Variants in ZFPM2 observed in about 807,000 individuals in gnomAD.
The protein encoded by ZFPM2 is zinc finger protein ZFPM2.
A neutral mutation model predicts 98.6 loss-of-function variants in ZFPM2; 20 were observed. The ratio of observed to expected loss-of-function variants is 0.20; its 90% confidence interval spans 0.14 to 0.29. The LOEUF is 0.29. Ranked by LOEUF, ZFPM2 falls within the 10% of genes least tolerant of loss-of-function variation. ZFPM2 has a pLI of 1.00. For missense variants in ZFPM2, 1,310 were observed against 1,388.6 expected (o/e 0.94, Z 0.90); for synonymous variants, 518 against 502.7 (o/e 1.03, Z -0.41).
rs530768585 is a variant in ZFPM2 at position 105,336,699 on chromosome 8, C to T, written c.40+17718C>T. On this transcript the variant is annotated intron_variant, in intron 1 of 7. Transcript: ENST00000407775. ...AAATGTAATATACTCCACACACACA[C>T]ACACACACACACACACACACACACA... Among the ~76,000 whole-genome samples the T allele has an allele frequency of 2.6e-3, 378 of 147,904 alleles. 2 individuals carry two copies. The highest frequency in any genetic ancestry group is 8.8e-3 in the African/African-American group (357 of 40,408).
At chr8:105,454,384 T>A (rs1266294033) in intron 3 of ZFPM2, among the ~76,000 whole-genome samples, 1 of 152,212 alleles carries the variant, frequency 6.6e-6, no homozygotes, top group Non-Finnish European at 1.5e-5. Context: ...GCCTACACAT[T>A]GCTTGGTGCT....
intron 3 of ZFPM2, among the ~76,000 whole-genome samples, chr8:105,536,789 T>C (rs1272336315): frequency 4.6e-5 from 7 of 152,080 alleles, no homozygotes. Context: ...TGACCAAGGC[T>C]CCCTTTTGGA....
intron 5 of ZFPM2, 67 bp from the exon 6 acceptor site, chr8:105,788,651 A>C (rs1813494065): frequency 2.0e-6 from 3 of 1,468,234 alleles, no homozygotes; most frequent in East Asian, 2.3e-5. Flanking sequence ...TATGGACATC[A>C]ATCTAGTTTA....
intron 4 of ZFPM2, chr8:105,616,670 T>C: frequency 2.6e-6 from 1 of 387,396 alleles, no homozygotes; most frequent in Non-Finnish European, 5.1e-6. Context: ...ATAACAATAA[T>C]AATAATAATA....
At chr8:105,797,580 C>T (rs1813870456) in intron 6 of ZFPM2, among the ~76,000 whole-genome samples, 1 of 152,298 alleles carries the variant, frequency 6.6e-6, no homozygotes, top group East Asian at 1.9e-4. Context: ...CTGCCTCCTA[C>T]AGCCTCTTCT....
At chr8:105,758,232 G>A (rs1812651933) in intron 5 of ZFPM2, among the ~76,000 whole-genome samples, 1 of 152,072 alleles carries the variant, frequency 6.6e-6, no homozygotes, top group African/African-American at 2.4e-5. Context: ...TCATTCACTG[G>A]CTCTGGTGGG....
intron 1 of ZFPM2, among the ~76,000 whole-genome samples, chr8:105,354,448 T>C (rs918312153): frequency 1.4e-4 from 21 of 151,724 alleles, no homozygotes; most frequent in Non-Finnish European, 2.8e-4. Context: ...CTTCACACTC[T>C]TTTTTTGTTA....
chr8:105,685,445 A>G (rs1182929383), intron 5 of ZFPM2, among the ~76,000 whole-genome samples: 1 of 152,118 alleles, frequency 6.6e-6, no homozygotes, highest in Non-Finnish European at 1.5e-5. Context: ...CGTTTATTGA[A>G]GATCTATAGT....
intron 5 of ZFPM2, among the ~76,000 whole-genome samples, chr8:105,764,424 A>C (rs761481037): frequency 4.6e-5 from 7 of 151,546 alleles, no homozygotes; most frequent in Non-Finnish European, 1.0e-4. Flanking sequence ...ATTTTCTTCT[A>C]TTTTCAGTAG....
intron 1 of ZFPM2, among the ~76,000 whole-genome samples, chr8:105,395,644 A>G (rs187249657): frequency 1.3e-4 from 20 of 152,306 alleles, no homozygotes; most frequent in African/African-American, 4.6e-4. Flanking sequence ...GTTTTATATA[A>G]TTATTAAGAA....
At chr8:105,783,438 G>GTA (rs1028897418) in intron 5 of ZFPM2, among the ~76,000 whole-genome samples, 1 of 151,876 alleles carries the variant, frequency 6.6e-6, no homozygotes, top group Admixed American at 6.6e-5. Context: ...ATTCTCAAGT[G>GTA]TATAGTTCAG....
rs200639878 is a variant in ZFPM2, at chr8:105,456,146, G to GTTTTTTTTTTTTTTTTTTTTTTTTTTT, written c.301+11774_301+11775insTTTTTTTTTTTTTTTTTTTTTTTTTTT. ...AGAAGATGGGGAAAACCAGGAAAAT[G>GTTTTTTTTTTTTTTTTTTTTTTTTTTT]TTTTTTTTTGTTTGTTTGTTTGTTT... On this transcript the variant is annotated intron_variant, in intron 3 of 7. Transcript: ENST00000407775. 2.1e-5 allele frequency among the ~76,000 whole-genome samples: 2 copies of GTTTTTTTTTTTTTTTTTTTTTTTTTTT among 93,284 alleles called. 1 individual carries two copies. The highest frequency in any genetic ancestry group is 4.9e-5 in the Non-Finnish European group (2 of 41,012). 61.2% of individuals were successfully genotyped at this position (93,284 alleles called of 152,430 possible).
intron 3 of ZFPM2, among the ~76,000 whole-genome samples, chr8:105,460,381 A>G (rs1812682094): frequency 6.6e-6 from 1 of 152,332 alleles, no homozygotes; most frequent in Admixed American, 6.5e-5. Flanking sequence ...AAGAACACAT[A>G]GGAAACCCAG....
chr8:105,422,311 C>T (rs1185967664), intron 2 of ZFPM2, among the ~76,000 whole-genome samples: 1 of 151,932 alleles, frequency 6.6e-6, no homozygotes, highest in East Asian at 1.9e-4. Context: ...GTGGTGGGTG[C>T]CTGTAGTCCC....
chr8:105,353,995 C>T (rs1240091408), intron 1 of ZFPM2, among the ~76,000 whole-genome samples: 1 of 152,092 alleles, frequency 6.6e-6, no homozygotes, highest in Non-Finnish European at 1.5e-5. Flanking sequence ...CACCCACTTC[C>T]TGGATCATCG....
chr8:105,579,760 C>A (rs559557747), intron 4 of ZFPM2, among the ~76,000 whole-genome samples: 1 of 152,276 alleles, frequency 6.6e-6, no homozygotes, highest in Admixed American at 6.5e-5. Context: ...GAACAAAAAT[C>A]AGTATTTCCA....
At chr8:105,582,747 C>T (rs944904969) in intron 4 of ZFPM2, among the ~76,000 whole-genome samples, 1 of 152,098 alleles carries the variant, frequency 6.6e-6, no homozygotes, top group African/African-American at 2.4e-5. Flanking sequence ...GCATGTGCCA[C>T]CATCCTTGGC....
chr8:105,603,459 T>C (rs914800351), intron 4 of ZFPM2, among the ~76,000 whole-genome samples: 2 of 152,128 alleles, frequency 1.3e-5, no homozygotes, highest in Non-Finnish European at 2.9e-5. Context: ...CAAGCATCTT[T>C]GTGAATTTAT....
At chr8:105,507,404 C>T (rs546487500) in intron 3 of ZFPM2, among the ~76,000 whole-genome samples, 6 of 152,120 alleles carry the variant, frequency 3.9e-5, no homozygotes, top group Non-Finnish European at 8.8e-5. Context: ...TGGGAAGGAA[C>T]GTGGTGTTTG....
Sources: allele counts gnomAD v4.1 joint callset (sites outside exome capture counted in the v4.1 genomes callset), GRCh38; gene constraint gnomAD v4.1.1; transcripts MANE v1.5; gene names NCBI Gene and HGNC (gene_info 2026-07-23, HGNC 2026-07-21).